The following SPEF2 variants were observed in gnomAD, a reference collection of about 807,000 sequenced individuals.
SPEF2 encodes the protein sperm flagella and cilia-associated protein 2.
SPEF2 carries 187 observed loss-of-function variants against 224.6 expected under a neutral mutation model. The ratio of observed to expected loss-of-function variants is 0.83; its 90% CI spans 0.74 to 0.94. SPEF2 has a LOEUF of 0.94. Among genes scored for constraint, SPEF2 ranks in the 40% least tolerant of loss-of-function variants. The probability of loss-of-function intolerance (pLI) is 0.00; values close to 1 mark genes in which losing one functional copy is unlikely to be tolerated. For missense variants in SPEF2, 2,170 were observed against 2,135.6 expected, an observed-to-expected ratio of 1.02 and a Z score of -0.32; for synonymous variants, 715 against 707.3, an observed-to-expected ratio of 1.01 and a Z score of -0.17.
At chr5:35,620,554 A>G (rs922081834) in intron 1 of SPEF2, among the ~76,000 whole-genome samples, 2 of 152,222 alleles carry the variant, frequency 1.3e-5, no homozygotes, top group African/African-American at 2.4e-5. Flanking sequence ...AAGCACCAAT[A>G]TATAAGGATA....
chr5:35,675,690 T>G, intron 10 of SPEF2: 1 of 261,720 alleles, frequency 3.8e-6, no homozygotes, highest in Non-Finnish European at 7.9e-6. Context: ...CGGCTAATTT[T>G]CTGTATTTTT....
At chr5:35,746,429 G>T (rs898022144) in intron 23 of SPEF2, among the ~76,000 whole-genome samples, 2 of 152,140 alleles carry the variant, frequency 1.3e-5, no homozygotes, top group African/African-American at 4.8e-5. Context: ...ATGATACAAG[G>T]AGTGAAGGGA....
At chr5:35,705,019 A>G (rs902900717) in intron 17 of SPEF2, among the ~76,000 whole-genome samples, 17 of 152,058 alleles carry the variant, frequency 1.1e-4, no homozygotes, top group South Asian at 4.1e-4. Flanking sequence ...AACTACTTCT[A>G]TTTTGCTAAA....
At chr5:35,759,005 C>CA (rs57893412) in intron 24 of SPEF2, among the ~76,000 whole-genome samples, 4,411 of 51,324 alleles carry the variant, frequency 0.086, 710 homozygotes, top group African/African-American at 0.26. Flanking sequence ...GACTCTGTCT[C>CA]AAAAAAAAAA....
At chr5:35,810,641 C>T (rs1034582943) in intron 36 of SPEF2, among the ~76,000 whole-genome samples, 1 of 152,160 alleles carries the variant, frequency 6.6e-6, no homozygotes, top group Non-Finnish European at 1.5e-5. Flanking sequence ...GGCCCTACCC[C>T]CTGTATTCCA....
intron 34 of SPEF2, among the ~76,000 whole-genome samples, chr5:35,805,046 C>G (rs2149868153): frequency 6.6e-6 from 1 of 152,182 alleles, no homozygotes; most frequent in East Asian, 1.9e-4. Flanking sequence ...CAATAATCCC[C>G]AAGATTCCTG....
At chr5:35,795,973 G>A (rs1423177031) in intron 33 of SPEF2, among the ~76,000 whole-genome samples, 178 bp downstream of exon 33, 2 of 152,114 alleles carry the variant, frequency 1.3e-5, no homozygotes, top group Non-Finnish European at 2.9e-5. Flanking sequence ...AGAAGTTCTG[G>A]GGAGGAGGCA....
intron 21 of SPEF2, among the ~76,000 whole-genome samples, chr5:35,728,690 T>C (rs1745093864): frequency 6.6e-6 from 1 of 152,172 alleles, no homozygotes. Context: ...TTCAATGTAT[T>C]CAACACAAAC....
intron 24 of SPEF2, among the ~76,000 whole-genome samples, chr5:35,758,553 T>C (rs898710532): frequency 6.6e-6 from 1 of 152,172 alleles, no homozygotes; most frequent in African/African-American, 2.4e-5. Flanking sequence ...TGACCGATGC[T>C]CATCTTGCCA....
At chr5:35,808,958 G>A (rs1353953571) in intron 36 of SPEF2, among the ~76,000 whole-genome samples, 1 of 151,604 alleles carries the variant, frequency 6.6e-6, no homozygotes, top group Admixed American at 6.6e-5. Context: ...TATGATTACA[G>A]CATGTAAGAA....
At chr5:35,661,237 T>G (rs375562382) in intron 8 of SPEF2, among the ~76,000 whole-genome samples, 1 of 135,906 alleles carries the variant, frequency 7.4e-6, no homozygotes, top group Non-Finnish European at 1.6e-5. Context: ...GAAAGGAGGT[T>G]TTTTTTTTGG....
At chr5:35,730,377 C>T (rs1290591376) in intron 21 of SPEF2, among the ~76,000 whole-genome samples, 4 of 152,228 alleles carry the variant, frequency 2.6e-5, no homozygotes, top group Non-Finnish European at 5.9e-5. Flanking sequence ...AGCCATGCCT[C>T]GGGCCATGTG....
Position 35,701,822 on chromosome 5 carries a change from T to A in SPEF2, c.2398+1070T>A, listed in dbSNP as rs549374184. 1.1e-4 allele frequency among the ~76,000 whole-genome samples: 16 copies of A among 152,048 alleles called. No individual in the cohort carries two copies. The East Asian group carries it at 2.9e-3, about 28-fold the overall frequency. ...GACAAGGCCCTGTCTCTACAAAAAA[T>A]AAAAATATTAGCCCAACATGGTGGC... On this transcript the variant is annotated intron_variant, in intron 16 of 36. Transcript: ENST00000356031.
intron 29 of SPEF2, among the ~76,000 whole-genome samples, chr5:35,778,537 T>C (rs972767282): frequency 6.6e-6 from 1 of 152,170 alleles, no homozygotes; most frequent in South Asian, 2.1e-4. Flanking sequence ...GAATTGTTAT[T>C]CTTCATGAAG....
chr5:35,810,153 A>ATG (rs1209455278), intron 36 of SPEF2, among the ~76,000 whole-genome samples: 2 of 152,294 alleles, frequency 1.3e-5, no homozygotes, highest in East Asian at 1.9e-4. Flanking sequence ...TACCTTCAAG[A>ATG]GTTAGCCTTT....
intron 26 of SPEF2, among the ~76,000 whole-genome samples, chr5:35,764,171 A>C (rs2149761493): frequency 6.6e-6 from 1 of 152,316 alleles, no homozygotes; most frequent in South Asian, 2.1e-4. Context: ...ATGAAATAAA[A>C]ATTTTTAAAA....
intron 15 of SPEF2, 141 bp from the exon 16 acceptor site, chr5:35,700,355 T>G (rs907461438): frequency 2.2e-5 from 17 of 763,194 alleles, no homozygotes; most frequent in African/African-American, 2.1e-4. Flanking sequence ...TCAGTAAACC[T>G]AATCTTTTAG....
intron 18 of SPEF2, among the ~76,000 whole-genome samples, chr5:35,707,730 C>T (rs952673939): frequency 3.9e-5 from 6 of 152,114 alleles, no homozygotes; most frequent in African/African-American, 1.4e-4. Context: ...GTCAGGCATG[C>T]TCCATCCCTC....
At chr5:35,697,986 C>T (rs1755576512) in intron 15 of SPEF2, 193 bp downstream of exon 15, 1 of 425,054 alleles carries the variant, frequency 2.4e-6, no homozygotes, top group Non-Finnish European at 4.2e-6. Flanking sequence ...TTCTCCCATA[C>T]CAAGCTTGAC....
Sources: allele counts gnomAD v4.1 joint callset (sites outside exome capture counted in the v4.1 genomes callset), GRCh38; gene constraint gnomAD v4.1.1; transcripts MANE v1.5; gene names NCBI Gene and HGNC (gene_info 2026-07-23, HGNC 2026-07-21).